CDKL5: variants seen among roughly 807,000 people sequenced by gnomAD.
CDKL5 encodes cyclin-dependent kinase-like 5.
A neutral mutation model predicts 61.7 loss-of-function variants in CDKL5; 8 were observed. That is an observed-to-expected ratio of 0.13 (90% CI 0.08 to 0.23). CDKL5 has a LOEUF of 0.23. Ranked by LOEUF, CDKL5 falls within the 10% of genes least tolerant of loss-of-function variation. The pLI is 1.00. For synonymous variants in CDKL5, 275 were observed against 272.3 expected (o/e 1.01, Z -0.10); for missense variants, 440 against 734.5 (o/e 0.60, Z 4.63).
rs1224587887 is a variant in CDKL5, at chrX:18,630,865, A to G, written c.*2108A>G. On this transcript the variant is annotated 3_prime_UTR_variant, in exon 18 of 18. Transcript: ENST00000623535. ...CTTTTCCAGGCAGCTGCTTGATGAT[A>G]CAAATGAGGTGGACCATCAGCAGTT... The G allele has an allele frequency of 1.3e-6, 1 of 746,021 alleles. No homozygotes were observed. The highest frequency in any genetic ancestry group is 2.4e-5 in the African/African-American group (1 of 41,348). The allele number at this position is 746,021 out of a possible 1,213,427, so 61.5% of individuals were successfully genotyped here. A position where few individuals can be genotyped will look rare whatever the true frequency, so the allele number is the denominator to read the frequency against.
chrX:18,428,243 A>C (rs1306698348), intron 1 of CDKL5, among the ~76,000 whole-genome samples: 1 of 112,353 alleles, frequency 8.9e-6, no homozygotes, highest in Admixed American at 9.5e-5. Flanking sequence ...CAATAGCTGC[A>C]TTGTTGGAAA....
At chrX:18,458,513 A>G (rs1456240165) in intron 1 of CDKL5, among the ~76,000 whole-genome samples, 1 of 111,275 alleles carries the variant, frequency 9.0e-6, no homozygotes. Context: ...CTTGGGCAAC[A>G]TGGTGAAACT....
Position 18,518,937 on chromosome X carries a change from TA to T in CDKL5, c.99+8085del, listed in dbSNP as rs1259190323. Among the ~76,000 whole-genome samples the T allele has an allele frequency of 5.4e-5, 6 of 110,566 alleles. No individual in the cohort carries two copies. The East Asian group carries it at 1.4e-3, about 26-fold the overall frequency. On this transcript the variant is annotated intron_variant, in intron 3 of 17. Coordinates refer to ENST00000623535, the MANE Select transcript of CDKL5 (RefSeq NM_001323289.2). Reference sequence around the variant, plus strand: ...TAAAGCTGGGAATAGAATTAAGGAGTAACATTATTAGCTGATAATGGACTGA... The same window carrying T: ...TAAAGCTGGGAATAGAATTAAGGAGTACATTATTAGCTGATAATGGACTGA...
chrX:18,650,236 ATG>A (rs1927970642), intron 20 of CDKL5: 1 of 501,961 alleles, frequency 2.0e-6, no homozygotes, highest in Non-Finnish European at 3.5e-6. Flanking sequence ...GCAGCAGAGA[ATG>A]TGTGGCTCAC....
intron 1 of CDKL5, among the ~76,000 whole-genome samples, chrX:18,458,109 G>T (rs1399639725): frequency 9.3e-6 from 1 of 106,972 alleles, no homozygotes; most frequent in Admixed American, 1.0e-4. Flanking sequence ...TTTTAGTAGA[G>T]ACAGGGTTTC....
At chrX:18,526,838 C>T (rs1196780732) in intron 3 of CDKL5, among the ~76,000 whole-genome samples, 1 of 108,473 alleles carries the variant, frequency 9.2e-6, no homozygotes, top group African/African-American at 3.4e-5. Flanking sequence ...GGCTGGAGTG[C>T]AATGGTGCGA....
At chrX:18,547,841 T>G (rs756503597) in intron 3 of CDKL5, among the ~76,000 whole-genome samples, 101 of 112,170 alleles carry the variant, frequency 9.0e-4, no homozygotes, top group Non-Finnish European at 1.6e-3. Context: ...ACACTTAATA[T>G]CTTAAGGAAA....
intron 1 of CDKL5, among the ~76,000 whole-genome samples, chrX:18,497,948 G>C (rs1345577924): frequency 9.3e-6 from 1 of 107,413 alleles, no homozygotes; most frequent in Non-Finnish European, 1.9e-5. Context: ...CTCCCAAGTA[G>C]CTGGGACTAG....
At chrX:18,621,793 A>T (rs1248862760) in intron 16 of CDKL5, among the ~76,000 whole-genome samples, 1 of 112,031 alleles carries the variant, frequency 8.9e-6, no homozygotes, top group Non-Finnish European at 1.9e-5. Flanking sequence ...TCAGTCAGAT[A>T]CTACTATAAT....
intron 3 of CDKL5, among the ~76,000 whole-genome samples, chrX:18,540,748 C>T (rs1330225581): frequency 1.9e-5 from 2 of 107,398 alleles, no homozygotes; most frequent in Non-Finnish European, 3.8e-5. Context: ...AGTGCAGTGG[C>T]GTGATCTCGG....
intron 8 of CDKL5, 57 bp from the exon 9 acceptor site, chrX:18,587,897 T>C: frequency 1.9e-6 from 2 of 1,075,669 alleles, no homozygotes; most frequent in Admixed American, 4.4e-5. Context: ...AATTTGGAAA[T>C]TATCAAAACA....
At chrX:18,551,591 T>C (rs1411991587) in intron 3 of CDKL5, among the ~76,000 whole-genome samples, 1 of 101,079 alleles carries the variant, frequency 9.9e-6, no homozygotes, top group African/African-American at 3.6e-5. Context: ...ATTATTATTA[T>C]TATTATTATT....
chrX:18,530,125 G>A (rs1351443167), intron 3 of CDKL5, among the ~76,000 whole-genome samples: 1 of 108,207 alleles, frequency 9.2e-6, no homozygotes, highest in African/African-American at 3.4e-5. Context: ...TCAAAAGATC[G>A]AGACCATCCT....
At chrX:18,483,732 T>G (rs1921678594) in intron 1 of CDKL5, among the ~76,000 whole-genome samples, 1 of 111,220 alleles carries the variant, frequency 9.0e-6, no homozygotes, top group Admixed American at 9.6e-5. Flanking sequence ...ATCATCTTAA[T>G]TGGTCTTGGA....
chrX:18,466,560 G>C (rs1920962651), intron 1 of CDKL5, among the ~76,000 whole-genome samples: 1 of 111,363 alleles, frequency 9.0e-6, no homozygotes, highest in South Asian at 3.8e-4. Context: ...TTGTCATCCA[G>C]GTTGGAGTGT....
chrX:18,602,304 T>C (rs1164599396), intron 11 of CDKL5, among the ~76,000 whole-genome samples: 1 of 112,286 alleles, frequency 8.9e-6, no homozygotes, highest in African/African-American at 3.2e-5. Flanking sequence ...CTATTTAGGT[T>C]TGAAAAGTCG....
intron 1 of CDKL5, among the ~76,000 whole-genome samples, chrX:18,462,777 A>G (rs1466431706): frequency 1.8e-5 from 2 of 111,734 alleles, no homozygotes; most frequent in Non-Finnish European, 3.8e-5. Context: ...TAATCTCAGC[A>G]TTTTGGGAGG....
At chrX:18,627,896 A>G (rs779232994) in intron 17 of CDKL5, among the ~76,000 whole-genome samples, 1 of 110,528 alleles carries the variant, frequency 9.0e-6, no homozygotes, top group Admixed American at 9.6e-5. Context: ...TACGACTTGT[A>G]GTTGAGTACA....
At chrX:18,497,646 A>G (rs141640015) in intron 1 of CDKL5, among the ~76,000 whole-genome samples, 34 of 111,964 alleles carry the variant, frequency 3.0e-4, no homozygotes, top group African/African-American at 9.1e-4. Context: ...ATAATGGAAT[A>G]TAACAACGTA....
Sources: gnomAD v4.1 joint callset for allele counts (sites outside exome capture counted in the v4.1 genomes callset) on GRCh38, gnomAD v4.1.1 for gene constraint, MANE v1.5 for transcripts, NCBI Gene and HGNC (gene_info 2026-07-23, HGNC 2026-07-21) for gene names.